CEP290: variants seen among roughly 807,000 people sequenced by gnomAD.
The protein encoded by CEP290 is centrosomal protein 290.
CEP290 carries 317 observed loss-of-function variants against 344.9 expected under a neutral mutation model. The observed-to-expected ratio is 0.92, with a 90% CI of 0.84 to 1.01. The LOEUF is 1.01. CEP290 is among the 50% of genes least tolerant of loss of function. The pLI, the probability that CEP290 is intolerant of heterozygous loss-of-function variation, is 0.00. For missense variants in CEP290, 2,754 were observed against 2,761.4 expected, an observed-to-expected ratio of 1.00 and a Z score of 0.06; for synonymous variants, 932 against 895.8, an observed-to-expected ratio of 1.04 and a Z score of -0.72.
At chr12:88,141,065 T>G in intron 2 of CEP290, 32 bp from the exon 3 acceptor site, 2 of 1,506,582 alleles carry the variant, frequency 1.3e-6, no homozygotes, top group South Asian at 2.7e-5. Flanking sequence ...TGTTTTATAT[T>G]TTATAACCTT....
At position 88,130,301 on chromosome 12, in the gene CEP290, G is replaced by GT. The variant is rs769091629; in HGVS notation, c.635dup (p.Asn212LysfsTer3). The stretch of plus-strand genomic sequence containing the variant: ...CATCAAGATATTGGATAAGCTCATA[G>GT]TTTTTTTTAGACAACTGTGATCGGT... On this transcript the variant is annotated frameshift_variant, in exon 9 of 54. Coordinates refer to ENST00000552810, the MANE Select transcript of CEP290 (RefSeq NM_025114.4). LOFTEE classifies it high-confidence loss of function. 38 of 1,604,888 alleles carry GT rather than the reference G, an allele frequency of 2.4e-5. No homozygotes were observed. Among genetic ancestry groups the GT allele is most frequent in the Admixed American group, 1.2e-4 (7 of 58,380 alleles).
At chr12:88,064,424 A>C (rs1290787608) in intron 44 of CEP290, among the ~76,000 whole-genome samples, 1 of 152,134 alleles carries the variant, frequency 6.6e-6, no homozygotes, top group East Asian at 1.9e-4. Context: ...TTACTAGTCC[A>C]AAATAAAGCA....
intron 30 of CEP290, among the ~76,000 whole-genome samples, 177 bp downstream of exon 30, chr12:88,090,551 A>G (rs917581266): frequency 6.6e-6 from 1 of 152,074 alleles, no homozygotes; most frequent in African/African-American, 2.4e-5. Flanking sequence ...GATCACCTGA[A>G]CCCAGGTGGT....
chr12:88,139,132 C>T lies in CEP290; in HGVS notation c.297+13G>A. 8.6e-7 allele frequency: 1 copy of T among 1,160,444 alleles called. No individual in the cohort carries two copies. The highest frequency in any genetic ancestry group is 1.2e-6 in the Non-Finnish European group (1 of 821,284). 71.9% of individuals were successfully genotyped at this position (1,160,444 alleles called of 1,614,324 possible). ...AATGACAATTACATCCTAGGGAATA[C>T]AAAAAGACATACCTCCAGTTCATTT... On this transcript the variant is annotated intron_variant, in intron 5 of 53. Transcript: ENST00000552810.
Position 88,084,756 on chromosome 12 carries a change from T to C in CEP290, c.4534A>G (p.Thr1512Ala), listed in dbSNP as rs780306236. 1.3e-5 allele frequency: 21 copies of C among 1,613,686 alleles called. No individual in the cohort carries two copies. The highest frequency in any genetic ancestry group is 1.6e-5 in the Non-Finnish European group (19 of 1,179,730). Reference sequence around the variant, plus strand: ...GCTATGAGCTTTTCTCTTTCTGCAGTGGCAGGCAATCGAAGCCTCAGTTCA... The same window carrying C: ...GCTATGAGCTTTTCTCTTTCTGCAGCGGCAGGCAATCGAAGCCTCAGTTCA... ...INELRLRLPATAEREKLIAEL... is the reference protein window; with the variant it reads ...INELRLRLPAAAEREKLIAEL... Residue 1512 changes from threonine (T) to alanine (A), a missense_variant, in exon 35 of 54, where the codon ACT becomes GCT. Thr to Ala is a moderately conservative substitution (Grantham distance 58, BLOSUM62 0). Transcript: ENST00000552810.
At chr12:88,068,284 G>T (rs1186338112) in intron 44 of CEP290, among the ~76,000 whole-genome samples, 2 of 151,874 alleles carry the variant, frequency 1.3e-5, no homozygotes, top group Non-Finnish European at 2.9e-5. Flanking sequence ...AAAATTTCTA[G>T]AAATCATTTA....
intron 13 of CEP290, 127 bp from the exon 14 acceptor site, chr12:88,121,293 ATTTG>A: frequency 1.5e-6 from 1 of 661,916 alleles, no homozygotes; most frequent in Non-Finnish European, 2.5e-6. Flanking sequence ...GTCATTTTAT[ATTTG>A]TAAGATGAAA....
chr12:88,140,930 A>C, intron 3 of CEP290, 26 bp downstream of exon 3: 1 of 1,491,196 alleles, frequency 6.7e-7, no homozygotes, highest in East Asian at 2.3e-5. Context: ...AGCCAAACCT[A>C]TAGTTAAAAC....
chr12:88,121,197 A>T (rs1440768505), intron 13 of CEP290, 31 bp from the exon 14 acceptor site: 1 of 1,548,558 alleles, frequency 6.5e-7, no homozygotes, highest in Non-Finnish European at 8.9e-7. Context: ...TCATGAATTG[A>T]ATTGACTACT....
intron 26 of CEP290, among the ~76,000 whole-genome samples, chr12:88,097,262 C>G (rs2037497772): frequency 6.6e-6 from 1 of 152,040 alleles, no homozygotes; most frequent in African/African-American, 2.4e-5. Flanking sequence ...CCATAATCCT[C>G]ATATGTCATG....
Position 88,054,337 on chromosome 12 carries a change from T to C in CEP290, c.7034+3A>G. 2 of 1,588,196 alleles carry C rather than the reference T, an allele frequency of 1.3e-6. No homozygotes were observed. Among genetic ancestry groups the C allele is most frequent in the Non-Finnish European group, 1.7e-6 (2 of 1,165,358 alleles). On this transcript the variant is annotated splice_donor_region_variant and intron_variant, in intron 51 of 53. Coordinates refer to ENST00000552810, the MANE Select transcript of CEP290 (RefSeq NM_025114.4). ...AAAGTAGTCATATGAATACATGATG[T>C]ACCTAAGAACTTGAAGCTCCCGTTT...
At chr12:88,130,616 T>C in intron 7 of CEP290, 51 bp from the exon 8 acceptor site, 3 of 1,451,338 alleles carry the variant, frequency 2.1e-6, no homozygotes, top group Non-Finnish European at 2.7e-6. Flanking sequence ...AGGTAATACA[T>C]AATTAAAAAT....
chr12:88,127,794 C>T (rs1171477958), intron 11 of CEP290, among the ~76,000 whole-genome samples: 1 of 152,088 alleles, frequency 6.6e-6, no homozygotes, highest in African/African-American at 2.4e-5. Context: ...CAGTTTACAA[C>T]CCCAAAATTG....
intron 41 of CEP290, among the ~76,000 whole-genome samples, chr12:88,076,524 T>G (rs1458534724): frequency 6.6e-6 from 1 of 152,114 alleles, no homozygotes; most frequent in Non-Finnish European, 1.5e-5. Flanking sequence ...CCCAGTTCAC[T>G]TTCGATATTT....
At chr12:88,113,114 C>T (rs1371369782) in intron 20 of CEP290, among the ~76,000 whole-genome samples, 3 of 151,942 alleles carry the variant, frequency 2.0e-5, no homozygotes, top group East Asian at 3.9e-4. Flanking sequence ...ATGACAATCC[C>T]GGATAAAAGT....
intron 26 of CEP290, among the ~76,000 whole-genome samples, chr12:88,101,337 C>T (rs1210036511): frequency 6.6e-6 from 1 of 151,674 alleles, no homozygotes; most frequent in African/African-American, 2.4e-5. Flanking sequence ...AAAAATTAGC[C>T]GGGCATGATG....
At chr12:88,099,347 T>A (rs763487942) in intron 26 of CEP290, among the ~76,000 whole-genome samples, 13 of 152,142 alleles carry the variant, frequency 8.5e-5, no homozygotes, top group South Asian at 4.1e-4. Context: ...ACGTTAAATT[T>A]GAGATCCCCT....
At position 88,079,077 on chromosome 12, in the gene CEP290, C is replaced by T. The variant is rs778411377; in HGVS notation, c.5364+15G>A. 3.2e-6 allele frequency: 5 copies of T among 1,540,122 alleles called. No homozygotes were observed. Among genetic ancestry groups the T allele is most frequent in the South Asian group, 1.3e-5 (1 of 75,566 alleles). ...TATCAGAAATTTTGTTACATTAACA[C>T]GTGTTGATGTTCACCTTTAGCTCTC... On this transcript the variant is annotated intron_variant, in intron 39 of 53. Coordinates refer to ENST00000552810, the MANE Select transcript of CEP290 (RefSeq NM_025114.4).
chr12:88,137,889 A>C (rs377007990), intron 5 of CEP290, among the ~76,000 whole-genome samples: 17 of 152,128 alleles, frequency 1.1e-4, no homozygotes, highest in African/African-American at 4.1e-4. Flanking sequence ...TTCTCACAAA[A>C]TATCCTGCTC....
Sources: allele counts gnomAD v4.1 joint callset (sites outside exome capture counted in the v4.1 genomes callset), GRCh38; gene constraint gnomAD v4.1.1; transcripts MANE v1.5; gene names NCBI Gene and HGNC (gene_info 2026-07-23, HGNC 2026-07-21).